TRABD2B: variants seen among roughly 807,000 people sequenced by gnomAD.
The protein encoded by TRABD2B is TraB domain containing 2B, also known as metalloprotease TIKI2.
A neutral mutation model predicts 40.1 loss-of-function variants in TRABD2B; 14 were observed. The observed-to-expected ratio is 0.35, with a 90% CI of 0.23 to 0.55. TRABD2B has a LOEUF of 0.55. TRABD2B is among the 20% of genes least tolerant of loss of function. The probability of loss-of-function intolerance (pLI) is 0.90; values close to 1 mark genes in which losing one functional copy is unlikely to be tolerated. For missense variants in TRABD2B, 541 were observed against 648.6 expected, an observed-to-expected ratio of 0.83 and a Z score of 1.80; for synonymous variants, 263 against 277.0, an observed-to-expected ratio of 0.95 and a Z score of 0.50.
chr1:47,843,400 G>A (rs887118756), intron 2 of TRABD2B, among the ~76,000 whole-genome samples: 2 of 152,176 alleles, frequency 1.3e-5, no homozygotes, highest in East Asian at 3.9e-4. Flanking sequence ...CCAACTGGAC[G>A]TAGGGCGAGA....
At chr1:47,777,500 G>A (rs897588120) in intron 5 of TRABD2B, among the ~76,000 whole-genome samples, 3 of 152,192 alleles carry the variant, frequency 2.0e-5, no homozygotes, top group African/African-American at 7.2e-5. Context: ...GAGCCAGACT[G>A]CCACTTACAC....
At chr1:47,915,768 C>T (rs1256328151) in intron 2 of TRABD2B, among the ~76,000 whole-genome samples, 1 of 152,202 alleles carries the variant, frequency 6.6e-6, no homozygotes, top group African/African-American at 2.4e-5. Flanking sequence ...CAGTCACAGC[C>T]TCCTGTCACA....
intron 2 of TRABD2B, among the ~76,000 whole-genome samples, chr1:47,941,319 C>T (rs529180815): frequency 7.9e-5 from 12 of 152,340 alleles, no homozygotes; most frequent in South Asian, 2.1e-4. Context: ...TAAGCACACA[C>T]GTGCATGTAC....
chr1:47,956,350 T>A (rs192660870), intron 2 of TRABD2B, among the ~76,000 whole-genome samples: 20 of 152,286 alleles, frequency 1.3e-4, no homozygotes, highest in Non-Finnish European at 2.6e-4. Flanking sequence ...TTCATCTCAC[T>A]GGGGCTTGTC....
At position 47,997,030 on chromosome 1, in the gene TRABD2B, C is replaced by A. The variant is rs1184675268; in HGVS notation, c.-241G>T. The A allele has an allele frequency of 2.8e-6, 3 of 1,064,776 alleles. No individual in the cohort carries two copies. The highest frequency in any genetic ancestry group is 2.3e-6 in the Non-Finnish European group (2 of 882,562). The allele number at this position is 1,064,776 out of a possible 1,614,324, so 66.0% of individuals were successfully genotyped here. On this transcript the variant is annotated 5_prime_UTR_variant, in exon 1 of 7. It adds an upstream start codon to the 5' untranslated region. Transcript: ENST00000606738. ...TGGGCCCCTCCCCCGGGCGCTCAAC[C>A]TCGCTGGCCGAGCCCCCGGGTGCTG... is the stretch of plus-strand genomic sequence containing the variant.
At chr1:47,851,614 G>C (rs1453198844) in intron 2 of TRABD2B, among the ~76,000 whole-genome samples, 1 of 152,220 alleles carries the variant, frequency 6.6e-6, no homozygotes, top group Non-Finnish European at 1.5e-5. Context: ...TCTGCTCCAA[G>C]TCCTTCTCTG....
chr1:47,871,245 G>A (rs922298624), intron 2 of TRABD2B, among the ~76,000 whole-genome samples: 1 of 152,090 alleles, frequency 6.6e-6, no homozygotes, highest in Non-Finnish European at 1.5e-5. Flanking sequence ...GCAGGAGCAG[G>A]AGAATGTGCT....
intron 2 of TRABD2B, among the ~76,000 whole-genome samples, chr1:47,892,057 T>C (rs1644453910): frequency 6.6e-6 from 1 of 152,168 alleles, no homozygotes; most frequent in Admixed American, 6.5e-5. Flanking sequence ...GGCTCCAGGC[T>C]CTGTGAGAAG....
chr1:47,945,471 T>G (rs995861192), intron 2 of TRABD2B, among the ~76,000 whole-genome samples: 2 of 152,156 alleles, frequency 1.3e-5, no homozygotes, highest in African/African-American at 2.4e-5. Context: ...CTTTTTTTGG[T>G]GTATGGTTCT....
chr1:47,940,100 T>A (rs1645165975), intron 2 of TRABD2B, among the ~76,000 whole-genome samples: 1 of 152,232 alleles, frequency 6.6e-6, no homozygotes, highest in Non-Finnish European at 1.5e-5. Context: ...GATCACCATG[T>A]GGTTTCCCAC....
chr1:47,768,947 C>A (rs1262290450), intron 6 of TRABD2B, among the ~76,000 whole-genome samples: 1 of 152,202 alleles, frequency 6.6e-6, no homozygotes, highest in Non-Finnish European at 1.5e-5. Context: ...CTGAGACAGG[C>A]CAAGGAGCCG....
intron 2 of TRABD2B, among the ~76,000 whole-genome samples, chr1:47,975,712 G>A (rs12144773): frequency 0.23 from 34,335 of 152,120 alleles, 4,124 homozygotes; most frequent in East Asian, 0.27. Context: ...GTCCTAGAGC[G>A]GCAAACACAA....
chr1:47,980,123 G>C (rs759090859), intron 2 of TRABD2B, among the ~76,000 whole-genome samples: 2 of 152,096 alleles, frequency 1.3e-5, no homozygotes, highest in Non-Finnish European at 2.9e-5. Context: ...ATAGTCAATT[G>C]CCTAGTCTCC....
rs113889575 is a variant in TRABD2B, at chr1:47,852,498, C to T, written c.667-50879G>A. Among the ~76,000 whole-genome samples, 258 of 152,300 alleles carry T rather than the reference C, an allele frequency of 1.7e-3. 1 individual carries two copies. The highest frequency in any genetic ancestry group is 5.7e-3 in the African/African-American group (238 of 41,556). On this transcript the variant is annotated intron_variant, in intron 2 of 6. Transcript: ENST00000606738. ...AAGCAGGCCCCATGTGGCTGCGCAA[C>T]GCCAAGAATCTGAGCCTTCCCTGCA... is the stretch of plus-strand genomic sequence containing the variant.
At chr1:47,894,961 G>A (rs1407045331) in intron 2 of TRABD2B, among the ~76,000 whole-genome samples, 2 of 152,050 alleles carry the variant, frequency 1.3e-5, no homozygotes, top group African/African-American at 2.4e-5. Context: ...CCAGTACAAG[G>A]GCAGGAGCCT....
At chr1:47,900,820 C>T (rs1366906576) in intron 2 of TRABD2B, among the ~76,000 whole-genome samples, 1 of 152,088 alleles carries the variant, frequency 6.6e-6, no homozygotes, top group African/African-American at 2.4e-5. Flanking sequence ...GCATTTTTGT[C>T]TTGGTAAAAT....
In TRABD2B at chr1:47,891,855, GA is replaced by G. The variant is rs555176972; in HGVS notation, c.667-90237del. ...ACAACAAGAAAAAACAAAAATGAAAGAAAAAAAAAAGAAAGAGCAAGGGACT... is the reference window on the plus strand; with the variant it reads ...ACAACAAGAAAAAACAAAAATGAAAGAAAAAAAAAGAAAGAGCAAGGGACT... On this transcript the variant is annotated intron_variant, in intron 2 of 6. Coordinates refer to ENST00000606738, the MANE Select transcript of TRABD2B (RefSeq NM_001194986.2). Among the ~76,000 whole-genome samples, 456 of 147,302 alleles carry G rather than the reference GA, an allele frequency of 3.1e-3. 1 individual carries two copies. Among genetic ancestry groups the G allele is most frequent in the African/African-American group, 9.5e-3 (380 of 40,138 alleles).
At chr1:47,968,614 A>G (rs117192946) in intron 2 of TRABD2B, among the ~76,000 whole-genome samples, 1 of 152,108 alleles carries the variant, frequency 6.6e-6, no homozygotes, top group African/African-American at 2.4e-5. Context: ...ACCACTCACC[A>G]TGTATGAGCC....
intron 2 of TRABD2B, among the ~76,000 whole-genome samples, chr1:47,850,207 G>A (rs1645529218): frequency 6.6e-6 from 1 of 152,178 alleles, no homozygotes; most frequent in African/African-American, 2.4e-5. Flanking sequence ...ACAGGAGCTG[G>A]CCCAGTCCCT....
Sources: allele counts gnomAD v4.1 joint callset (sites outside exome capture counted in the v4.1 genomes callset), GRCh38; gene constraint gnomAD v4.1.1; transcripts MANE v1.5; gene names NCBI Gene and HGNC (gene_info 2026-07-23, HGNC 2026-07-21).